Variants in ERBB4 observed in about 807,000 individuals in gnomAD.
ERBB4 encodes the protein erb-b2 receptor tyrosine kinase 4.
ERBB4 carries 42 observed loss-of-function variants against 158.0 expected under a neutral mutation model. The observed-to-expected ratio is 0.27, with a 90% CI of 0.21 to 0.34. ERBB4 has a LOEUF of 0.34. ERBB4 is among the 10% of genes least tolerant of loss of function. ERBB4 has a pLI of 1.00. For synonymous variants in ERBB4, 583 were observed against 558.7 expected (o/e 1.04, Z -0.61); for missense variants, 1,333 against 1,624.1 (o/e 0.82, Z 3.08).
chr2:212,168,793 G>A (rs1299232537), intron 1 of ERBB4, among the ~76,000 whole-genome samples: 2 of 152,154 alleles, frequency 1.3e-5, no homozygotes, highest in African/African-American at 4.8e-5. Flanking sequence ...AAGTGGACTT[G>A]TGCTGCTAAT....
chr2:211,913,717 T>C lies in ERBB4; in HGVS notation c.421+33713A>G, dbSNP rs912634109. ...CATAGAGAGAGAGAGCAATAAAATT[T>C]GGTATAGTGTCTATCACGTATGGGC... is the stretch of plus-strand genomic sequence containing the variant. On this transcript the variant is annotated intron_variant, in intron 3 of 27. Transcript: ENST00000342788. Among the ~76,000 whole-genome samples the C allele has an allele frequency of 7.3e-5, 11 of 151,380 alleles. No individual in the cohort carries two copies. The South Asian group carries it at 1.9e-3, about 26-fold the overall frequency.
intron 1 of ERBB4, among the ~76,000 whole-genome samples, chr2:212,472,098 A>T (rs933407027): frequency 6.6e-6 from 1 of 151,944 alleles, no homozygotes; most frequent in Non-Finnish European, 1.5e-5. Context: ...ACACGTCATC[A>T]ATCAAATATG....
At chr2:211,699,397 C>T (rs1480641534) in intron 12 of ERBB4, among the ~76,000 whole-genome samples, 2 of 152,046 alleles carry the variant, frequency 1.3e-5, no homozygotes, top group East Asian at 3.9e-4. Flanking sequence ...ATGAAGCAAG[C>T]ATTTAGACAT....
intron 16 of ERBB4, among the ~76,000 whole-genome samples, chr2:211,646,590 G>C (rs2070788571): frequency 6.6e-6 from 1 of 151,782 alleles, no homozygotes; most frequent in East Asian, 1.9e-4. Context: ...ATGATGTACT[G>C]ATTTACTAGT....
intron 24 of ERBB4, 58 bp downstream of exon 24, chr2:211,421,949 A>G: frequency 9.7e-7 from 1 of 1,026,386 alleles, no homozygotes; most frequent in Middle Eastern, 2.0e-4. Context: ...GATACTACTC[A>G]TTTTGCAGTG....
chr2:211,516,479 G>A (rs11889643), intron 20 of ERBB4, among the ~76,000 whole-genome samples: 6,039 of 151,656 alleles, frequency 0.04, 377 homozygotes, highest in East Asian at 0.26. Flanking sequence ...GATTATAGGC[G>A]TGCGCCACCA....
At chr2:211,414,882 A>T (rs926080987) in intron 25 of ERBB4, among the ~76,000 whole-genome samples, 14 of 152,004 alleles carry the variant, frequency 9.2e-5, no homozygotes, top group Non-Finnish European at 1.6e-4. Flanking sequence ...TTATTTTTTT[A>T]AACTCTTAAA....
Position 211,761,190 on chromosome 2 carries a change from CAAAAAAAAAAAA to C in ERBB4, c.557-10498_557-10487del, listed in dbSNP as rs58277006. On this transcript the variant is annotated intron_variant, in intron 4 of 27. Coordinates refer to ENST00000342788, the MANE Select transcript of ERBB4 (RefSeq NM_005235.3). Reference sequence around the variant, plus strand: ...AGCCTGGCGACAGGGTGAGATTCCTCAAAAAAAAAAAAAAAAAAAAAGGAAAAAAGAAAATAA... The same window carrying C: ...AGCCTGGCGACAGGGTGAGATTCCTCAAAAAAAAAGGAAAAAAGAAAATAA... Among the ~76,000 whole-genome samples, 525 of 89,956 alleles carry C rather than the reference CAAAAAAAAAAAA, an allele frequency of 5.8e-3. 6 individuals are homozygous for C. The highest frequency in any genetic ancestry group is 0.023 in the Middle Eastern group (4 of 176). The allele number at this position is 89,956 out of a possible 152,430, so 59.0% of individuals were successfully genotyped here.
At chr2:212,383,289 T>C (rs114486257) in intron 1 of ERBB4, among the ~76,000 whole-genome samples, 2,246 of 151,474 alleles carry the variant, frequency 0.015, 47 homozygotes, top group African/African-American at 0.051. Context: ...ATGAAGAAAA[T>C]CTTGTATTTA....
chr2:212,487,842 T>C (rs1690058218), intron 1 of ERBB4, among the ~76,000 whole-genome samples: 1 of 152,166 alleles, frequency 6.6e-6, no homozygotes, highest in South Asian at 2.1e-4. Flanking sequence ...ATTCCAGTTT[T>C]ACTGATGAGA....
intron 20 of ERBB4, among the ~76,000 whole-genome samples, chr2:211,450,797 A>T (rs1163123752): frequency 6.6e-6 from 1 of 152,090 alleles, no homozygotes; most frequent in Non-Finnish European, 1.5e-5. Flanking sequence ...TTTATTTTTC[A>T]TCAGAGCACT....
At chr2:212,124,509 A>G in intron 2 of ERBB4, 2 of 518,990 alleles carry the variant, frequency 3.9e-6, no homozygotes, top group Non-Finnish European at 7.0e-6. Context: ...ACATGGTGAC[A>G]GAATCTTTTC....
intron 1 of ERBB4, among the ~76,000 whole-genome samples, chr2:212,129,512 G>A (rs1277615199): frequency 6.6e-6 from 1 of 151,170 alleles, no homozygotes; most frequent in African/African-American, 2.4e-5. Context: ...TATTTGTATG[G>A]TATAAATACT....
intron 20 of ERBB4, among the ~76,000 whole-genome samples, chr2:211,453,443 C>A (rs777268209): frequency 6.6e-6 from 1 of 152,074 alleles, no homozygotes; most frequent in Non-Finnish European, 1.5e-5. Context: ...TGATGTTCCT[C>A]TTTTTATACT....
At chr2:211,832,246 GA>G (rs1165007701) in intron 3 of ERBB4, among the ~76,000 whole-genome samples, 4 of 151,736 alleles carry the variant, frequency 2.6e-5, no homozygotes, top group Non-Finnish European at 4.4e-5. Context: ...CCATGGATTT[GA>G]AAAAAAAGTT....
At chr2:211,468,814 T>C (rs1311681063) in intron 20 of ERBB4, among the ~76,000 whole-genome samples, 1 of 136,186 alleles carries the variant, frequency 7.3e-6, no homozygotes, top group East Asian at 2.1e-4. Flanking sequence ...TCTGCCCCTG[T>C]GTAATGTGGA....
rs145274159 is a variant in ERBB4, at chr2:211,429,235, T to G, written c.2644-752A>C. ...TTGTTATACTTTCAGTTATCCCTTT[T>G]CACCCTCAGACACATTTTGGGCCAC... On this transcript the variant is annotated intron_variant, in intron 21 of 27. Transcript: ENST00000342788. Among the ~76,000 whole-genome samples, 24 of 152,272 alleles carry G rather than the reference T, an allele frequency of 1.6e-4. No homozygotes were observed. The East Asian group carries it at 4.6e-3, about 29-fold the overall frequency.
At chr2:211,616,147 G>C (rs1463847264) in intron 19 of ERBB4, among the ~76,000 whole-genome samples, 2 of 151,986 alleles carry the variant, frequency 1.3e-5, no homozygotes, top group Admixed American at 1.3e-4. Context: ...TGGCTGGAAG[G>C]ATATGTAGGG....
intron 2 of ERBB4, among the ~76,000 whole-genome samples, chr2:211,965,366 A>G (rs1048825836): frequency 1.3e-5 from 2 of 152,216 alleles, no homozygotes; most frequent in Non-Finnish European, 2.9e-5. Context: ...ATGAATGTAA[A>G]AGATCAATAT....
Sources: gnomAD v4.1 joint callset for allele counts (sites outside exome capture counted in the v4.1 genomes callset) on GRCh38, gnomAD v4.1.1 for gene constraint, MANE v1.5 for transcripts, NCBI Gene and HGNC (gene_info 2026-07-23, HGNC 2026-07-21) for gene names.